Variants in LILRB4 observed in about 807,000 individuals in gnomAD.
The protein encoded by LILRB4 is leukocyte immunoglobulin-like receptor subfamily B member 4.
LILRB4 carries 49 observed loss-of-function variants against 55.2 expected under a neutral mutation model. The ratio of observed to expected loss-of-function variants is 0.89; its 90% CI spans 0.71 to 1.13. LILRB4 has a LOEUF of 1.13. Ranked by LOEUF, LILRB4 falls within the 50% of genes most tolerant of loss-of-function variation. LILRB4 has a pLI of 0.00. For synonymous variants in LILRB4, 229 were observed against 213.8 expected, an observed-to-expected ratio of 1.07 and a Z score of -0.62; for missense variants, 590 against 555.2, an observed-to-expected ratio of 1.06 and a Z score of -0.63.
Position 54,666,174 on chromosome 19 carries a change from A to C in LILRB4, c.875-66A>C. On this transcript the variant is annotated intron_variant, in intron 7 of 11. Coordinates refer to ENST00000430952, the Ensembl canonical transcript of LILRB4. The surrounding 1 kb of genome is among the most constrained non-coding windows in gnomAD (Gnocchi z 4.8). Reference sequence around the variant, plus strand: ...TATTTTCAGGTTTCCTTTCCTCTTGACTTGCATGTGCAAGGCAGGTGGTTC... The same window carrying C: ...TATTTTCAGGTTTCCTTTCCTCTTGCCTTGCATGTGCAAGGCAGGTGGTTC... 1 of 1,443,594 alleles carries C rather than the reference A, an allele frequency of 6.9e-7. No homozygotes were observed. Among genetic ancestry groups the C allele is most frequent in the East Asian group, 2.3e-5 (1 of 43,752 alleles). 89.4% of individuals were successfully genotyped at this position (1,443,594 alleles called of 1,614,324 possible). A position where few individuals can be genotyped will look rare whatever the true frequency, so the allele number is the denominator to read the frequency against.
Position 54,666,938 on chromosome 19 carries a change from C to G in LILRB4, c.1041+189C>G. ...TGTCCTGGGACCTCATGGGCCTCCT[C>G]CCGGGTCCCCTTCCTGCTCCTCATC... On this transcript the variant is annotated intron_variant, in intron 10 of 11. Coordinates refer to ENST00000430952, the Ensembl canonical transcript of LILRB4. The surrounding 1 kb of genome is among the most constrained non-coding windows in gnomAD (Gnocchi z 4.8). The G allele has an allele frequency of 1.3e-6, 1 of 744,842 alleles. No homozygotes were observed. The highest frequency in any genetic ancestry group is 1.4e-5 in the South Asian group (1 of 70,086). 46.1% of individuals were successfully genotyped at this position (744,842 alleles called of 1,614,324 possible). A position where few individuals can be genotyped will look rare whatever the true frequency, so the allele number is the denominator to read the frequency against.
chr19:54,664,588 G>T, intron 4 of LILRB4, 103 bp downstream of exon 4: 1 of 1,280,374 alleles, frequency 7.8e-7, no homozygotes, highest in Non-Finnish European at 1.1e-6. Context: ...CTCAGCCAGT[G>T]GGGGACTCAG....
exon 1 of LILRB4, chr19:54,663,042 C>T (rs1409501528): frequency 6.2e-7 from 1 of 1,613,974 alleles, no homozygotes; most frequent in Non-Finnish European, 8.5e-7. Context: ...CCATGATCCC[C>T]ACCTTCACGG....
At position 54,665,746 on chromosome 19, in the gene LILRB4, G is replaced by A; in HGVS notation, c.758-69G>A. On this transcript the variant is annotated intron_variant, in intron 6 of 11. Coordinates refer to ENST00000430952, the Ensembl canonical transcript of LILRB4. This position sits in a 1 kb window ranked among gnomAD's most constrained non-coding sequence, Gnocchi z 5.5. Reference sequence around the variant, plus strand: ...ATGAAAGAAAGACCCAGCACACACAGTAGGTGCACACACAGTAGGTGTGCA... The same window carrying A: ...ATGAAAGAAAGACCCAGCACACACAATAGGTGCACACACAGTAGGTGTGCA... 6.6e-7 allele frequency: 1 copy of A among 1,519,354 alleles called. No homozygotes were observed. Among genetic ancestry groups the A allele is most frequent in the East Asian group, 2.4e-5 (1 of 40,832 alleles). The allele number at this position is 1,519,354 out of a possible 1,614,324, so 94.1% of individuals were successfully genotyped here. A position where few individuals can be genotyped will look rare whatever the true frequency, so the allele number is the denominator to read the frequency against.
In LILRB4 at chr19:54,666,478, G is replaced by A. The variant is rs760186; in HGVS notation, c.988+42G>A. ...GAAGGTGCACCTGGGGTGGAGCTGG[G>A]GGTCCCAAAATTTCAATAGCAATGG... On this transcript the variant is annotated intron_variant, in intron 9 of 11. Coordinates refer to ENST00000430952, the Ensembl canonical transcript of LILRB4. The surrounding 1 kb of genome is among the most constrained non-coding windows in gnomAD (Gnocchi z 4.8). 0.091 allele frequency: 146,538 copies of A among 1,609,146 alleles called. 12,498 individuals carry two copies. The highest frequency in any genetic ancestry group is 0.44 in the East Asian group (19,612 of 44,830).
At chr19:54,664,457 C>T (rs2065174411) in exon 4 of LILRB4, 2 of 1,610,066 alleles carry the variant, frequency 1.2e-6, no homozygotes, top group Non-Finnish European at 1.7e-6. Flanking sequence ...TGTCACACCC[C>T]AGTGACCCCC....
Position 54,666,141 on chromosome 19 carries a change from T to C in LILRB4, c.875-99T>C. On this transcript the variant is annotated intron_variant, in intron 7 of 11. Transcript: ENST00000430952. This position sits in a 1 kb window ranked among gnomAD's most constrained non-coding sequence, Gnocchi z 4.8. ...ACTTAGAAAGTATTTAAAACATCCTTGCAAGTGTATTTTCAGGTTTCCTTT... is the reference window on the plus strand; with the variant it reads ...ACTTAGAAAGTATTTAAAACATCCTCGCAAGTGTATTTTCAGGTTTCCTTT... The C allele has an allele frequency of 7.6e-7, 1 of 1,312,004 alleles. No homozygotes were observed. 81.3% of individuals were successfully genotyped at this position (1,312,004 alleles called of 1,614,324 possible). A position where few individuals can be genotyped will look rare whatever the true frequency, so the allele number is the denominator to read the frequency against.
In LILRB4 at chr19:54,666,656, G is replaced by A. The variant is rs760260298; in HGVS notation, c.989-41G>A. 9.3e-6 allele frequency: 15 copies of A among 1,604,868 alleles called. No individual in the cohort carries two copies. Among genetic ancestry groups the A allele is most frequent in the Middle Eastern group, 1.7e-4 (1 of 6,054 alleles). ...ACCAGCAGGAATGAGAGGTCCCAGGGAACCTTCCCAGGAGATGAACCCCTT... is the reference window on the plus strand; with the variant it reads ...ACCAGCAGGAATGAGAGGTCCCAGGAAACCTTCCCAGGAGATGAACCCCTT... On this transcript the variant is annotated intron_variant, in intron 9 of 11. Coordinates refer to ENST00000430952, the Ensembl canonical transcript of LILRB4. The surrounding 1 kb of genome is among the most constrained non-coding windows in gnomAD (Gnocchi z 4.8).
chr19:54,664,575 G>T, intron 4 of LILRB4, 90 bp downstream of exon 4: 1 of 1,391,594 alleles, frequency 7.2e-7, no homozygotes, highest in Non-Finnish European at 9.8e-7. Flanking sequence ...GGAGGGAGAG[G>T]GGCTCAGCCA....
chr19:54,664,279 T>C, exon 4 of LILRB4: 1 of 1,614,124 alleles, frequency 6.2e-7, no homozygotes, highest in Non-Finnish European at 8.5e-7. Flanking sequence ...CGGAGCCCAA[T>C]GGACACTTTT....
At chr19:54,664,805 T>G in exon 5 of LILRB4, 1 of 1,592,974 alleles carries the variant, frequency 6.3e-7, no homozygotes, top group Non-Finnish European at 8.6e-7. Flanking sequence ...CCAGGATCCT[T>G]GGAGGGTCCC....
chr19:54,663,735 G>A lies in LILRB4; in HGVS notation c.71-19G>A. On this transcript the variant is annotated intron_variant, in intron 2 of 11. Transcript: ENST00000430952. ...GGGCTGAGGAAGGTCTTGGGATCCAGCCTCTGATTTTCTTCCAGGGCCCCT... is the reference window on the plus strand; with the variant it reads ...GGGCTGAGGAAGGTCTTGGGATCCAACCTCTGATTTTCTTCCAGGGCCCCT... 3.1e-6 allele frequency: 5 copies of A among 1,613,220 alleles called. No individual in the cohort carries two copies. The highest frequency in any genetic ancestry group is 4.2e-6 in the Non-Finnish European group (5 of 1,179,658).
chr19:54,663,162 G>A, intron 1 of LILRB4, 95 bp downstream of exon 1: 2 of 1,438,574 alleles, frequency 1.4e-6, no homozygotes, highest in Admixed American at 4.2e-5. Flanking sequence ...AAAATCTCAG[G>A]GTAGCCGGGC....
chr19:54,664,246 G>A (rs2065157970), exon 4 of LILRB4: 1 of 1,614,166 alleles, frequency 6.2e-7, no homozygotes, highest in Non-Finnish European at 8.5e-7. Flanking sequence ...TCAGGAAAGA[G>A]CGTGACCCTG....
intron 10 of LILRB4, 104 bp from the exon 11 acceptor site, chr19:54,667,531 G>A (rs11574587): frequency 0.16 from 254,021 of 1,551,712 alleles, 22,953 homozygotes; most frequent in Non-Finnish European, 0.18. Flanking sequence ...CTGAGATTCC[G>A]TCAGGAAAGG....
At position 54,666,669 on chromosome 19, in the gene LILRB4, A is replaced by T. The variant is rs1266552932; in HGVS notation, c.989-28A>T. On this transcript the variant is annotated intron_variant, in intron 9 of 11. Transcript: ENST00000430952. The surrounding 1 kb of genome is among the most constrained non-coding windows in gnomAD (Gnocchi z 4.8). ...AGAGGTCCCAGGGAACCTTCCCAGG[A>T]GATGAACCCCTTGCTCTACCCCAGC... 1.2e-5 allele frequency: 20 copies of T among 1,612,136 alleles called. No homozygotes were observed. Among genetic ancestry groups the T allele is most frequent in the Non-Finnish European group, 1.7e-5 (20 of 1,178,582 alleles).
chr19:54,666,728 C>G lies in LILRB4; in HGVS notation c.1020C>G (p.Asp340Glu), dbSNP rs149652762. The G allele has an allele frequency of 2.5e-6, 4 of 1,614,158 alleles. No homozygotes were observed. In the African/African-American group the frequency reaches 4.0e-5, roughly 16 times the overall value. Reference sequence around the variant, plus strand: ...CCGTGAAGAACACACAGCCTGAGGACGGGGTGGAAATGGACACTCGGGTGA... The same window carrying G: ...CCGTGAAGAACACACAGCCTGAGGAGGGGGTGGAAATGGACACTCGGGTGA... The change falls in exon 10 of 12, where the codon GAC (aspartate) becomes GAG (glutamate). Residue 340 changes from aspartate to glutamate, a missense_variant. Asp to Glu is a conservative substitution (Grantham distance 45). Coordinates refer to ENST00000430952, the Ensembl canonical transcript of LILRB4. This position sits in a 1 kb window ranked among gnomAD's most constrained non-coding sequence, Gnocchi z 4.8.
exon 3 of LILRB4, chr19:54,664,029 G>A: frequency 1.3e-6 from 2 of 1,598,726 alleles, no homozygotes; most frequent in South Asian, 2.2e-5. Flanking sequence ...CCTGGAGCTG[G>A]TGATGACAGG....
Position 54,663,191 on chromosome 19 carries a change from A to C in LILRB4, c.34+124A>C, listed in dbSNP as rs568750842. 6.2e-6 allele frequency: 7 copies of C among 1,129,236 alleles called. No individual in the cohort carries two copies. The South Asian group carries it at 1.1e-4, about 17-fold the overall frequency. 70.0% of individuals were successfully genotyped at this position (1,129,236 alleles called of 1,614,324 possible). A position where few individuals can be genotyped will look rare whatever the true frequency, so the allele number is the denominator to read the frequency against. On this transcript the variant is annotated intron_variant, in intron 1 of 11. Transcript: ENST00000430952. ...GCCGGGCGCGGTGGCTCACGCCTGTAATCCCAGCACTTTGGGAGGCCGAGG... is the reference window on the plus strand; with the variant it reads ...GCCGGGCGCGGTGGCTCACGCCTGTCATCCCAGCACTTTGGGAGGCCGAGG...
Sources: allele counts gnomAD v4.1 joint callset, GRCh38; gene constraint gnomAD v4.1.1; non-coding constraint Gnocchi (gnomAD v3.1); transcripts MANE v1.5; gene names NCBI Gene and HGNC (gene_info 2026-07-23, HGNC 2026-07-21).